COL1A1: variants seen among roughly 807,000 people sequenced by gnomAD.
The protein encoded by COL1A1 is collagen alpha-1(I) chain.
In COL1A1, 21 loss-of-function variants were observed where a neutral mutation model predicts 195.7. The ratio of observed to expected loss-of-function variants is 0.11; its 90% CI spans 0.08 to 0.15. The LOEUF is 0.15. COL1A1 is among the 10% of genes least tolerant of loss of function. COL1A1 has a pLI of 1.00. For missense variants in COL1A1, 1,365 were observed against 2,051.0 expected, an observed-to-expected ratio of 0.67 and a Z score of 6.46; for synonymous variants, 749 against 747.3, an observed-to-expected ratio of 1.00 and a Z score of -0.04.
Position 50,191,547 on chromosome 17 carries a change from G to A in COL1A1, c.2128-57C>T. 3 of 1,489,204 alleles carry A rather than the reference G, an allele frequency of 2.0e-6. No individual in the cohort carries two copies. The South Asian group carries it at 3.4e-5, about 17-fold the overall frequency. 92.2% of individuals were successfully genotyped at this position (1,489,204 alleles called of 1,614,324 possible). A position where few individuals can be genotyped will look rare whatever the true frequency, so the allele number is the denominator to read the frequency against. ...CCTGGGGCCCCAAGAGTGGGTCACA[G>A]CCCTAAGCCCCGCTTGGTATCTCCC... On this transcript the variant is annotated intron_variant, in intron 31 of 50. Transcript: ENST00000225964.
intron 6 of COL1A1, 68 bp downstream of exon 6, chr17:50,198,365 C>T (rs1381507567): frequency 2.9e-5 from 45 of 1,573,238 alleles, no homozygotes; most frequent in Admixed American, 8.7e-5. Flanking sequence ...CTATACCAGC[C>T]GCCTATGCCC....
In COL1A1 at chr17:50,201,600, T is replaced by A. The variant is rs1171684099; in HGVS notation, c.-87A>T. ...GTGGCCTCACACTCCGCGTGCCTCC[T>A]GCTCCGACCCCGAGGAGAAACTCCC... On this transcript the variant is annotated 5_prime_UTR_variant, in exon 1 of 51. Coordinates refer to ENST00000225964, the MANE Select transcript of COL1A1 (RefSeq NM_000088.4). The A allele has an allele frequency of 2.5e-6, 3 of 1,208,268 alleles. No homozygotes were observed. Among genetic ancestry groups the A allele is most frequent in the Non-Finnish European group, 3.5e-6 (3 of 869,142 alleles). The allele number at this position is 1,208,268 out of a possible 1,614,324, so 74.8% of individuals were successfully genotyped here.
At position 50,199,365 on chromosome 17, in the gene COL1A1, G is replaced by T. The variant is rs370984739; in HGVS notation, c.370-38C>A. 1.3e-5 allele frequency: 21 copies of T among 1,606,216 alleles called. No homozygotes were observed. The South Asian group carries it at 2.3e-4, about 18-fold the overall frequency. ...AGGGCGGGGCCGGGGTGAGCGTGGG[G>T]CCGAGAGCCATGCCCACCTGCAGCC... On this transcript the variant is annotated intron_variant, in intron 4 of 50. Transcript: ENST00000225964.
chr17:50,201,464 G>C lies in COL1A1; in HGVS notation c.50C>G (p.Ala17Gly). ...TTCCTCTTGGCCGTGCGTCAGGAGG[G>C]CGGTGGCCGCTAAGAGGAGCAGGAG... ...LRLLLLLAATALLTHGQEEGQ... is the reference protein window; with the variant it reads ...LRLLLLLAATGLLTHGQEEGQ... The change falls in exon 1 of 51, where the codon GCC becomes GGC. Residue 17 changes from alanine (A) to glycine (G), a missense_variant. Physicochemically the swap from Ala to Gly is moderately conservative, Grantham distance 60. Transcript: ENST00000225964. 6.2e-7 allele frequency: 1 copy of C among 1,613,144 alleles called. No homozygotes were observed. The highest frequency in any genetic ancestry group is 8.5e-7 in the Non-Finnish European group (1 of 1,180,018).
At chr17:50,193,131 CT>C in intron 25 of COL1A1, 84 bp from the exon 26 acceptor site, 1 of 1,363,606 alleles carries the variant, frequency 7.3e-7, no homozygotes, top group Non-Finnish European at 1.0e-6. Flanking sequence ...CTGAGTGGGA[CT>C]TTTTAAGGGA....
intron 28 of COL1A1, 30 bp downstream of exon 28, chr17:50,192,610 C>G: frequency 1.2e-6 from 2 of 1,614,184 alleles, no homozygotes; most frequent in Non-Finnish European, 1.7e-6. Flanking sequence ...ACCCCTACCT[C>G]CCAGCATCCT....
At position 50,186,266 on chromosome 17, in the gene COL1A1, C is replaced by T. The variant is rs771333800; in HGVS notation, c.4005+51G>A. Reference sequence around the variant, plus strand: ...TCCAGGACTTCATGTCCCTTCTGAGCACTGGGCTAGCCCATCTCCTAACAC... The same window carrying T: ...TCCAGGACTTCATGTCCCTTCTGAGTACTGGGCTAGCCCATCTCCTAACAC... On this transcript the variant is annotated intron_variant, in intron 49 of 50. Transcript: ENST00000225964. The surrounding 1 kb of genome is among the most constrained non-coding windows in gnomAD (Gnocchi z 5.3). 2 of 1,608,316 alleles carry T rather than the reference C, an allele frequency of 1.2e-6. No homozygotes were observed. The highest frequency in any genetic ancestry group is 1.3e-5 in the African/African-American group (1 of 74,980).
rs762428889 is a variant in COL1A1 at position 50,194,777 on chromosome 17, G to T, written c.1405C>A (p.Arg469=). Residue 469 remains arginine (R), a synonymous_variant, in exon 21 of 51, where the codon CGA becomes AGA. Transcript: ENST00000225964. The surrounding 1 kb of genome is among the most constrained non-coding windows in gnomAD (Gnocchi z 6.8). ...GGTCCGGGTTCACCTCGAGCTCCTC[G>T]CTTTCCTTCCTCTCCAGCAGGGCCA... ...PPGPAGEEGK[R]GARGEPGPTG... The T allele has an allele frequency of 1.0e-5, 16 of 1,574,358 alleles. No individual in the cohort carries two copies. The African/African-American group carries it at 1.8e-4, about 17-fold the overall frequency.
chr17:50,198,101 A>C, intron 7 of COL1A1, 60 bp downstream of exon 7: 1 of 1,609,646 alleles, frequency 6.2e-7, no homozygotes. Flanking sequence ...CCCTCATCCC[A>C]GTCTTCCCTC....
chr17:50,198,712 G>A, intron 5 of COL1A1: 1 of 593,264 alleles, frequency 1.7e-6, no homozygotes, highest in Non-Finnish European at 3.0e-6. Context: ...CAAAACAACT[G>A]GACTCATCAA....
intron 1 of COL1A1, among the ~76,000 whole-genome samples, chr17:50,200,742 G>A (rs753887839): frequency 5.9e-5 from 9 of 152,236 alleles, no homozygotes; most frequent in Non-Finnish European, 1.3e-4. Context: ...CTCTTTAAGA[G>A]GCTTGGGCTG....
rs895806530 is a variant in COL1A1 at position 50,184,490 on chromosome 17, A to G, written c.*1012T>C. ...TCCCCATCCACAAAAAAAAAAAAAAAAAAAGAAAAATATCAAGGAATAAAA... is the reference window on the plus strand; with the variant it reads ...TCCCCATCCACAAAAAAAAAAAAAAGAAAAGAAAAATATCAAGGAATAAAA... On this transcript the variant is annotated 3_prime_UTR_variant, in exon 51 of 51. Coordinates refer to ENST00000225964, the MANE Select transcript of COL1A1 (RefSeq NM_000088.4). 229 of 230,286 alleles carry G rather than the reference A, an allele frequency of 9.9e-4. No homozygotes were observed. Among genetic ancestry groups the G allele is most frequent in the African/African-American group, 4.6e-3 (206 of 45,214 alleles). 14.3% of individuals were successfully genotyped at this position (230,286 alleles called of 1,614,324 possible).
In COL1A1 at chr17:50,189,522, G is replaced by A. The variant is rs1033263382; in HGVS notation, c.2684C>T (p.Pro895Leu). Residue 895 changes from proline to leucine, a missense_variant, in exon 39 of 51, where the codon CCT (proline) becomes CTT (leucine). Physicochemically the swap from Pro to Leu is moderately conservative, Grantham distance 98. Transcript: ENST00000225964. The surrounding 1 kb of genome is among the most constrained non-coding windows in gnomAD (Gnocchi z 5.5). ...TTTGCCAGCAGGACCAGGAGGGCCA[G>A]GGGGTCCAGCATTTCCCTGGATGAG... ...PPGPSGNAGP[P>L]GPPGPAGKEG... 5 of 1,613,830 alleles carry A rather than the reference G, an allele frequency of 3.1e-6. No individual in the cohort carries two copies. In the African/African-American group the frequency reaches 6.7e-5, roughly 22 times the overall value.
At chr17:50,187,394 G>A in intron 46 of COL1A1, 90 bp downstream of exon 46, 2 of 1,320,212 alleles carry the variant, frequency 1.5e-6, no homozygotes, top group Non-Finnish European at 2.2e-6. Context: ...CTTCTCCAGA[G>A]AGGCAAAGGG....
Position 50,190,169 on chromosome 17 carries a change from G to A in COL1A1, c.2452-61C>T. The A allele has an allele frequency of 7.1e-7, 1 of 1,417,292 alleles. No individual in the cohort carries two copies. The allele number at this position is 1,417,292 out of a possible 1,614,324, so 87.8% of individuals were successfully genotyped here. A position where few individuals can be genotyped will look rare whatever the true frequency, so the allele number is the denominator to read the frequency against. ...GAGGCAGGAGTTTCCACTACCTGGG[G>A]GAGGAGCAGTAATGGAGGCAGGAAG... On this transcript the variant is annotated intron_variant, in intron 35 of 50. Transcript: ENST00000225964. This position sits in a 1 kb window ranked among gnomAD's most constrained non-coding sequence, Gnocchi z 4.7.
At position 50,188,067 on chromosome 17, in the gene COL1A1, A is replaced by G. The variant is rs1278154027; in HGVS notation, c.3261+29T>C. Reference sequence around the variant, plus strand: ...ACTGTCTGCATCTGTAGAGTTCTAAAGGCATGGGGGACACAGCAGGGTACT... The same window carrying G: ...ACTGTCTGCATCTGTAGAGTTCTAAGGGCATGGGGGACACAGCAGGGTACT... On this transcript the variant is annotated intron_variant, in intron 44 of 50. Coordinates refer to ENST00000225964, the MANE Select transcript of COL1A1 (RefSeq NM_000088.4). This position sits in a 1 kb window ranked among gnomAD's most constrained non-coding sequence, Gnocchi z 5.6. 6.2e-7 allele frequency: 1 copy of G among 1,613,072 alleles called. No individual in the cohort carries two copies. Among genetic ancestry groups the G allele is most frequent in the Admixed American group, 1.7e-5 (1 of 59,856 alleles).
At chr17:50,200,180 G>A (rs759849111) in intron 1 of COL1A1, 15 of 581,176 alleles carry the variant, frequency 2.6e-5, no homozygotes, top group Non-Finnish European at 4.0e-5. Context: ...TTTAAACAAA[G>A]CTTTAGTCCG....
intron 25 of COL1A1, chr17:50,193,484 C>T (rs117864779): frequency 8.9e-5 from 15 of 169,488 alleles, no homozygotes; most frequent in East Asian, 1.5e-4. Context: ...TTTCTTTCTT[C>T]TTTTTTTTTT....
Position 50,186,329 on chromosome 17 carries a change from G to A in COL1A1, c.3993C>T (p.Thr1331=), listed in dbSNP as rs148659814. The A allele has an allele frequency of 1.7e-4, 269 of 1,614,194 alleles. No individual in the cohort carries two copies. The African/African-American group carries it at 3.1e-3, about 18-fold the overall frequency. The stretch of plus-strand genomic sequence containing the variant: ...CCAGCTCACGCACCTGGAATCCATC[G>A]GTCATGCTCTCGCCGAACCAGACAT... ...KRHVWFGESM[T]DGFQFEYGGQ... Residue 1331 remains threonine, a synonymous_variant, in exon 49 of 51, where the codon ACC becomes ACT. Coordinates refer to ENST00000225964, the MANE Select transcript of COL1A1 (RefSeq NM_000088.4). The surrounding 1 kb of genome is among the most constrained non-coding windows in gnomAD (Gnocchi z 5.3).
Sources: gnomAD v4.1 joint callset for allele counts (sites outside exome capture counted in the v4.1 genomes callset) on GRCh38, gnomAD v4.1.1 for gene constraint, Gnocchi (gnomAD v3.1) non-coding constraint, MANE v1.5 for transcripts, NCBI Gene and HGNC (gene_info 2026-07-23, HGNC 2026-07-21) for gene names.